The following BMPER variants were observed in gnomAD, a reference collection of about 807,000 sequenced individuals.
BMPER encodes the protein BMP binding endothelial regulator.
In BMPER, 45 loss-of-function variants were observed where a neutral mutation model predicts 87.3. That is an observed-to-expected ratio of 0.52 (90% CI 0.41 to 0.66). The LOEUF (loss-of-function observed/expected upper bound fraction) is 0.66, where lower values mean the gene tolerates loss of function less well. Among genes scored for constraint, BMPER ranks in the 30% least tolerant of loss-of-function variants. The probability of loss-of-function intolerance (pLI) is 0.00; values close to 1 mark genes in which losing one functional copy is unlikely to be tolerated. For synonymous variants in BMPER, 326 were observed against 316.2 expected (o/e 1.03, Z -0.33); for missense variants, 784 against 867.5 (o/e 0.90, Z 1.21).
At chr7:33,905,359 G>GGAA (rs1554295812), upstream of BMPER, 145 of 250,190 alleles carry the variant, frequency 5.8e-4, no homozygotes, top group South Asian at 1.6e-3. Flanking sequence ...ACTCCCTCAG[G>GGAA]AAAAAAAAAA....
At chr7:33,984,889 T>C (rs1252903120) in intron 6 of BMPER, among the ~76,000 whole-genome samples, 1 of 152,216 alleles carries the variant, frequency 6.6e-6, no homozygotes, top group Non-Finnish European at 1.5e-5. Context: ...CAGATATGGA[T>C]TTTACTAAAT....
intron 13 of BMPER, among the ~76,000 whole-genome samples, chr7:34,112,357 G>A (rs1189354700): frequency 6.6e-6 from 1 of 151,830 alleles, no homozygotes; most frequent in Non-Finnish European, 1.5e-5. Flanking sequence ...TTAGCCAGGC[G>A]TGGTGGTGGG....
intron 6 of BMPER, among the ~76,000 whole-genome samples, chr7:33,994,268 C>T (rs531972347): frequency 1.1e-4 from 17 of 151,644 alleles, no homozygotes; most frequent in African/African-American, 3.4e-4. Flanking sequence ...TAGCAATCAG[C>T]GAGACTCCGT....
At chr7:33,934,368 C>T (rs1052534043) in intron 2 of BMPER, among the ~76,000 whole-genome samples, 2 of 152,066 alleles carry the variant, frequency 1.3e-5, no homozygotes, top group African/African-American at 4.8e-5. Flanking sequence ...TCCACATTCA[C>T]ACCAATCAGA....
At chr7:34,107,181 T>C (rs1789840870) in intron 13 of BMPER, among the ~76,000 whole-genome samples, 1 of 152,220 alleles carries the variant, frequency 6.6e-6, no homozygotes, top group Non-Finnish European at 1.5e-5. Flanking sequence ...ATTTCACGTC[T>C]CCTAGTGTGA....
chr7:34,068,642 G>A (rs1327692939), intron 11 of BMPER, among the ~76,000 whole-genome samples: 2 of 152,032 alleles, frequency 1.3e-5, no homozygotes, highest in Admixed American at 1.3e-4. Flanking sequence ...TTTTCTCGTG[G>A]TAATTCAAGT....
At chr7:34,002,948 TA>T (rs371968364) in intron 6 of BMPER, among the ~76,000 whole-genome samples, 7 of 151,156 alleles carry the variant, frequency 4.6e-5, no homozygotes, top group South Asian at 2.1e-4. Context: ...TATCCTGCTT[TA>T]AAAAAAAATC....
At chr7:33,944,526 C>T (rs368583979) in intron 3 of BMPER, among the ~76,000 whole-genome samples, 1 of 152,092 alleles carries the variant, frequency 6.6e-6, no homozygotes, top group African/African-American at 2.4e-5. Context: ...ACATATTCTG[C>T]GTTAGAAACC....
At chr7:34,071,967 G>C (rs924500435) in intron 11 of BMPER, among the ~76,000 whole-genome samples, 4 of 152,172 alleles carry the variant, frequency 2.6e-5, no homozygotes, top group African/African-American at 7.2e-5. Context: ...AGAGCTCTGT[G>C]ACCCCAGCTA....
intron 13 of BMPER, among the ~76,000 whole-genome samples, chr7:34,101,064 T>G (rs1789669281): frequency 6.6e-6 from 1 of 152,334 alleles, no homozygotes; most frequent in African/African-American, 2.4e-5. Context: ...ATGATCTTTG[T>G]ACACACTAAA....
At chr7:34,046,502 T>G in intron 7 of BMPER, 97 bp downstream of exon 7, 1 of 1,321,756 alleles carries the variant, frequency 7.6e-7, no homozygotes, top group African/African-American at 1.5e-5. Context: ...ATTCTCAAGT[T>G]GTCCTATTTC....
intron 6 of BMPER, among the ~76,000 whole-genome samples, chr7:34,009,674 G>GGGA (rs1786827518): frequency 1.3e-5 from 2 of 151,926 alleles, no homozygotes; most frequent in African/African-American, 4.8e-5. Flanking sequence ...TTTGGAAGAG[G>GGGA]GGAGGCATCC....
At position 33,963,747 on chromosome 7, in the gene BMPER, C is replaced by G. The variant is rs1021877473; in HGVS notation, c.320-2732C>G. 9.2e-5 allele frequency among the ~76,000 whole-genome samples: 14 copies of G among 152,054 alleles called. 1 individual carries two copies. Among genetic ancestry groups the G allele is most frequent in the Admixed American group, 7.2e-4 (11 of 15,274 alleles). ...GGCGGAGGTTGCAGTAAGCCAAGAT[C>G]GCGCCATTGCACTCTAGCCTGGGAG... On this transcript the variant is annotated intron_variant, in intron 3 of 14. Transcript: ENST00000649409.
At chr7:34,129,578 GA>G (rs2127991136) in intron 13 of BMPER, among the ~76,000 whole-genome samples, 1 of 11,722 alleles carries the variant, frequency 8.5e-5, no homozygotes, top group South Asian at 4.3e-3. Context: ...AGGAAGGAAG[GA>G]GAGAGAGAGA....
At chr7:34,060,505 C>G (rs1788409439) in intron 10 of BMPER, among the ~76,000 whole-genome samples, 1 of 152,212 alleles carries the variant, frequency 6.6e-6, no homozygotes, top group South Asian at 2.1e-4. Flanking sequence ...TATGGGATGA[C>G]TGGCTGGGGC....
At chr7:33,928,803 G>A (rs1343440413) in intron 2 of BMPER, among the ~76,000 whole-genome samples, 5 of 151,928 alleles carry the variant, frequency 3.3e-5, no homozygotes, top group Admixed American at 6.6e-5. Context: ...CTGCTGGCAC[G>A]TGTCATATTT....
chr7:34,132,522 C>A (rs1790620593), intron 13 of BMPER, among the ~76,000 whole-genome samples: 1 of 152,214 alleles, frequency 6.6e-6, no homozygotes. Flanking sequence ...CCACAGGTTG[C>A]ACACAGCGGA....
At chr7:34,002,254 C>T (rs1786600565) in intron 6 of BMPER, among the ~76,000 whole-genome samples, 1 of 151,718 alleles carries the variant, frequency 6.6e-6, no homozygotes, top group South Asian at 2.1e-4. Flanking sequence ...AGAAACTGTA[C>T]TTCTAATACC....
intron 2 of BMPER, among the ~76,000 whole-genome samples, chr7:33,932,804 G>GA (rs377548823): frequency 9.8e-4 from 146 of 149,704 alleles, no homozygotes; most frequent in Middle Eastern, 3.5e-3. Flanking sequence ...AAGAATCTTT[G>GA]AAAAAAAAAA....
Sources: gnomAD v4.1 joint callset for allele counts (sites outside exome capture counted in the v4.1 genomes callset) on GRCh38, gnomAD v4.1.1 for gene constraint, MANE v1.5 for transcripts, NCBI Gene and HGNC (gene_info 2026-07-23, HGNC 2026-07-21) for gene names.